DCLK1: variants seen among roughly 807,000 people sequenced by gnomAD.
The protein encoded by DCLK1 is doublecortin like kinase 1, also known as serine/threonine-protein kinase DCLK1.
DCLK1 carries 16 observed loss-of-function variants against 86.2 expected under a neutral mutation model. That is an observed-to-expected ratio of 0.19 (90% CI 0.13 to 0.28). DCLK1 has a LOEUF of 0.28. DCLK1 is among the 10% of genes least tolerant of loss of function. The pLI, the probability that DCLK1 is intolerant of heterozygous loss-of-function variation, is 1.00. For synonymous variants in DCLK1, 369 were observed against 370.5 expected (o/e 1.00, Z 0.05); for missense variants, 590 against 940.2 (o/e 0.63, Z 4.87).
rs1001439391 is a variant in DCLK1, at chr13:35,918,126, C to A, written c.823+29232G>T. Among the ~76,000 whole-genome samples, 7 of 152,264 alleles carry A rather than the reference C, an allele frequency of 4.6e-5. No homozygotes were observed. In the East Asian group the frequency reaches 1.2e-3, roughly 25 times the overall value. On this transcript the variant is annotated intron_variant, in intron 4 of 16. Coordinates refer to ENST00000360631, the MANE Select transcript of DCLK1 (RefSeq NM_001330071.2). ...CAAGTGACAAGCAAAAAGAATGAAT[C>A]CTTTCTACGTATCCTCATATGACTC... is the stretch of plus-strand genomic sequence containing the variant.
At chr13:35,971,468 A>G in intron 3 of DCLK1, among the ~76,000 whole-genome samples, 1 of 152,140 alleles carries the variant, frequency 6.6e-6, no homozygotes, top group East Asian at 1.9e-4. Flanking sequence ...GCTTTCATCA[A>G]AAGTCCACAG....
chr13:35,956,735 C>T (rs1463227952), intron 3 of DCLK1, among the ~76,000 whole-genome samples: 2 of 9,022 alleles, frequency 2.2e-4, no homozygotes, highest in African/African-American at 8.3e-4. Flanking sequence ...ACAAAAAAAA[C>T]ATCATCAGTG....
At chr13:35,981,537 C>A (rs992611650) in intron 3 of DCLK1, among the ~76,000 whole-genome samples, 1 of 152,124 alleles carries the variant, frequency 6.6e-6, no homozygotes, top group African/African-American at 2.4e-5. Context: ...CTCTGTGTTG[C>A]ACATTCTATG....
intron 3 of DCLK1, among the ~76,000 whole-genome samples, chr13:36,007,185 T>C (rs1469569244): frequency 6.6e-6 from 1 of 152,186 alleles, no homozygotes; most frequent in Non-Finnish European, 1.5e-5. Context: ...CAAAGCAATT[T>C]TGAATAACTA....
At chr13:35,855,557 A>G in intron 5 of DCLK1, 1 of 1,599,106 alleles carries the variant, frequency 6.3e-7, no homozygotes, top group Non-Finnish European at 8.5e-7. Context: ...GGACCTGAAT[A>G]CCAACGGCGG....
chr13:36,072,349 G>A (rs991348065), intron 3 of DCLK1, among the ~76,000 whole-genome samples: 1 of 152,106 alleles, frequency 6.6e-6, no homozygotes, highest in Non-Finnish European at 1.5e-5. Flanking sequence ...CTTTATACGG[G>A]TGCCCTTTCT....
chr13:35,939,772 C>A (rs1429154439), intron 4 of DCLK1, among the ~76,000 whole-genome samples: 1 of 152,158 alleles, frequency 6.6e-6, no homozygotes, highest in Admixed American at 6.5e-5. Context: ...ATGCCAGCAC[C>A]AACACATACC....
At chr13:35,822,613 G>A in intron 11 of DCLK1, 116 bp downstream of exon 11, 1 of 1,452,294 alleles carries the variant, frequency 6.9e-7, no homozygotes, top group Admixed American at 2.0e-5. Flanking sequence ...AAGGCTAACT[G>A]GAAATTAACC....
rs192245151 is a variant in DCLK1, at chr13:36,068,654, A to G, written c.723+43215T>C. ...CTGATCAACAAAGACAGCTTGAAAA[A>G]TACTTCTCATGACCTAAGAAACAAT... is the stretch of plus-strand genomic sequence containing the variant. On this transcript the variant is annotated intron_variant, in intron 3 of 16. Transcript: ENST00000360631. Among the ~76,000 whole-genome samples, 342 of 152,270 alleles carry G rather than the reference A, an allele frequency of 2.2e-3. 1 individual carries two copies. The highest frequency in any genetic ancestry group is 7.9e-3 in the African/African-American group (330 of 41,554).
intron 3 of DCLK1, among the ~76,000 whole-genome samples, chr13:36,080,283 G>T (rs1341239469): frequency 6.6e-6 from 1 of 152,164 alleles, no homozygotes; most frequent in Non-Finnish European, 1.5e-5. Flanking sequence ...CGAAAGGTGA[G>T]ACAAAGAGGC....
At chr13:36,095,173 G>GTTTTTTTTTTT (rs376231053) in intron 3 of DCLK1, among the ~76,000 whole-genome samples, 1 of 109,382 alleles carries the variant, frequency 9.1e-6, no homozygotes. Context: ...CTCTCTCTTT[G>GTTTTTTTTTTT]TTTTTTTTTT....
intron 3 of DCLK1, among the ~76,000 whole-genome samples, chr13:36,013,502 G>C (rs1038165804): frequency 2.0e-5 from 3 of 152,288 alleles, no homozygotes; most frequent in South Asian, 2.1e-4. Context: ...AGGTGTCAGT[G>C]TGCCCCTGCT....
chr13:36,125,169 A>G (rs771517370), intron 2 of DCLK1, among the ~76,000 whole-genome samples: 1 of 152,232 alleles, frequency 6.6e-6, no homozygotes, highest in Non-Finnish European at 1.5e-5. Flanking sequence ...CTCAAAAATC[A>G]GAGAAAGACA....
At position 35,984,514 on chromosome 13, in the gene DCLK1, A is replaced by G. The variant is rs139951701; in HGVS notation, c.724-37057T>C. ...TGGGGCTGTTGAGCTGGAGGCAGCA[A>G]ACTATCAACTTTGGAGTTACAGAAA... On this transcript the variant is annotated intron_variant, in intron 3 of 16. Coordinates refer to ENST00000360631, the MANE Select transcript of DCLK1 (RefSeq NM_001330071.2). Among the ~76,000 whole-genome samples, 52 of 152,314 alleles carry G rather than the reference A, an allele frequency of 3.4e-4. No individual in the cohort carries two copies. In the East Asian group the frequency reaches 9.5e-3, roughly 28 times the overall value.
At chr13:35,806,804 G>A (rs984671875) in intron 14 of DCLK1, among the ~76,000 whole-genome samples, 1 of 152,186 alleles carries the variant, frequency 6.6e-6, no homozygotes. Context: ...ACAGGTTCCT[G>A]AAGAGCCCCC....
chr13:36,128,290 G>A (rs1024835965), intron 1 of DCLK1, among the ~76,000 whole-genome samples: 13 of 152,120 alleles, frequency 8.5e-5, no homozygotes, highest in African/African-American at 2.4e-4. Flanking sequence ...ATCCAACAAG[G>A]TAGGTAATAT....
intron 16 of DCLK1, 123 bp downstream of exon 16, chr13:35,793,243 G>T: frequency 1.6e-6 from 1 of 615,648 alleles, no homozygotes; most frequent in Non-Finnish European, 2.8e-6. Flanking sequence ...TGCATTAAGT[G>T]GCTGAGCTGT....
At chr13:35,806,108 C>A (rs1018038250) in intron 14 of DCLK1, among the ~76,000 whole-genome samples, 1 of 151,880 alleles carries the variant, frequency 6.6e-6, no homozygotes, top group African/African-American at 2.4e-5. Flanking sequence ...ATGTTAAAGA[C>A]AGATTTATTA....
chr13:36,073,531 G>A (rs555155833), intron 3 of DCLK1, among the ~76,000 whole-genome samples: 1 of 152,244 alleles, frequency 6.6e-6, no homozygotes, highest in Admixed American at 6.5e-5. Context: ...CTAAAAGCAG[G>A]TATCTGAAGA....
Sources: allele counts gnomAD v4.1 joint callset (sites outside exome capture counted in the v4.1 genomes callset), GRCh38; gene constraint gnomAD v4.1.1; transcripts MANE v1.5; gene names NCBI Gene and HGNC (gene_info 2026-07-23, HGNC 2026-07-21).